Variants in HIVEP2 observed in about 807,000 individuals in gnomAD.
HIVEP2 encodes HIVEP zinc finger 2.
HIVEP2 carries 14 observed loss-of-function variants against 180.7 expected under a neutral mutation model. That is an observed-to-expected ratio of 0.08 (90% CI 0.05 to 0.12). The LOEUF (loss-of-function observed/expected upper bound fraction) is 0.12. Among genes scored for constraint, HIVEP2 ranks in the 10% least tolerant of loss-of-function variants. The probability of loss-of-function intolerance (pLI) is 1.00; values close to 1 mark genes in which losing one functional copy is unlikely to be tolerated. For missense variants in HIVEP2, 2,579 were observed against 3,008.5 expected (o/e 0.86, Z 3.34); for synonymous variants, 1,184 against 1,136.4 (o/e 1.04, Z -0.84).
intron 2 of HIVEP2, among the ~76,000 whole-genome samples, chr6:142,824,479 C>T (rs937370682): frequency 6.6e-6 from 1 of 152,118 alleles, no homozygotes; most frequent in Non-Finnish European, 1.5e-5. Context: ...TCTTTGTGGG[C>T]CTCCATTTGA....
chr6:142,815,832 C>CT (rs1355840248), intron 2 of HIVEP2, among the ~76,000 whole-genome samples: 1 of 152,164 alleles, frequency 6.6e-6, no homozygotes, highest in Non-Finnish European at 1.5e-5. Flanking sequence ...ATTATCTGTA[C>CT]TTTAAGAATA....
chr6:142,853,905 G>A (rs551910626), intron 1 of HIVEP2, among the ~76,000 whole-genome samples: 1 of 152,234 alleles, frequency 6.6e-6, no homozygotes, highest in East Asian at 1.9e-4. Flanking sequence ...AAAAGGGAGT[G>A]TCCTAGAATT....
chr6:142,771,208 A>G lies in HIVEP2; in HGVS notation c.3531T>C (p.Tyr1177=), dbSNP rs772260080. The change falls in exon 5 of 10, where the codon TAT becomes TAC. Residue 1177 remains tyrosine (Y), a synonymous_variant. Transcript: ENST00000367603. The surrounding 1 kb of genome is among the most constrained non-coding windows in gnomAD (Gnocchi z 5.4). ...GTTCAGGTAAGTGCTTGCTTGTCAT[A>G]TAGGATGTTGGTTGGATCAAGGGAT... ...LRNPLIQPTS[Y]MTSKHLPEQP... 9.4e-5 allele frequency: 152 copies of G among 1,614,078 alleles called. No individual in the cohort carries two copies. Among genetic ancestry groups the G allele is most frequent in the Non-Finnish European group, 1.2e-4 (146 of 1,180,036 alleles).
chr6:142,818,294 A>G (rs1228303355), intron 2 of HIVEP2, among the ~76,000 whole-genome samples: 1 of 152,238 alleles, frequency 6.6e-6, no homozygotes, highest in Non-Finnish European at 1.5e-5. Flanking sequence ...TATTGCACTT[A>G]AAGTTTCCTA....
intron 2 of HIVEP2, among the ~76,000 whole-genome samples, chr6:142,836,275 G>T (rs762102139): frequency 6.6e-6 from 1 of 151,974 alleles, no homozygotes; most frequent in Non-Finnish European, 1.5e-5. Context: ...AAATCTGTTT[G>T]ACAGAGCAGG....
intron 2 of HIVEP2, among the ~76,000 whole-genome samples, chr6:142,835,837 A>G (rs1423478020): frequency 6.6e-6 from 1 of 152,210 alleles, no homozygotes; most frequent in East Asian, 1.9e-4. Context: ...AAGGGAGATT[A>G]TTTTAGACAA....
intron 2 of HIVEP2, among the ~76,000 whole-genome samples, chr6:142,808,410 A>G (rs1776606324): frequency 6.8e-6 from 1 of 147,536 alleles, no homozygotes; most frequent in Non-Finnish European, 1.5e-5. Flanking sequence ...GGAGGGATAG[A>G]TGGGTGGACA....
chr6:142,830,294 C>T (rs190033151), intron 2 of HIVEP2, among the ~76,000 whole-genome samples: 3 of 152,206 alleles, frequency 2.0e-5, no homozygotes, highest in Non-Finnish European at 4.4e-5. Context: ...TTTGCGCGTT[C>T]CCTAGATGTT....
At chr6:142,782,040 T>C (rs1455892585) in intron 3 of HIVEP2, among the ~76,000 whole-genome samples, 1 of 152,206 alleles carries the variant, frequency 6.6e-6, no homozygotes, top group Non-Finnish European at 1.5e-5. Flanking sequence ...TCCTAAATAA[T>C]GACGGTATAC....
At chr6:142,937,869 G>A (rs1037856193) in intron 1 of HIVEP2, among the ~76,000 whole-genome samples, 2 of 152,172 alleles carry the variant, frequency 1.3e-5, no homozygotes, top group African/African-American at 2.4e-5. Flanking sequence ...GCTAAGTGAC[G>A]TAATGTGGAG....
chr6:142,817,950 G>A (rs1445771468), intron 2 of HIVEP2, among the ~76,000 whole-genome samples: 2 of 150,902 alleles, frequency 1.3e-5, no homozygotes, highest in Non-Finnish European at 2.9e-5. Context: ...AGGTTGCAGT[G>A]AGCCAAGATC....
chr6:142,818,263 G>A (rs2114818381), intron 2 of HIVEP2, among the ~76,000 whole-genome samples: 1 of 152,208 alleles, frequency 6.6e-6, no homozygotes, highest in South Asian at 2.1e-4. Context: ...CCTTCTTTAG[G>A]TGGAAAAGTG....
chr6:142,835,574 T>C (rs560028931), intron 2 of HIVEP2, among the ~76,000 whole-genome samples: 26 of 152,316 alleles, frequency 1.7e-4, no homozygotes, highest in African/African-American at 6.0e-4. Context: ...CACTTTTAAA[T>C]ATATGTCTTC....
Position 142,753,344 on chromosome 6 carries a change from G to A in HIVEP2, c.7104C>T (p.Ser2368=). 1 of 1,614,150 alleles carries A rather than the reference G, an allele frequency of 6.2e-7. No individual in the cohort carries two copies. The highest frequency in any genetic ancestry group is 1.1e-5 in the South Asian group (1 of 91,080). Residue 2368 remains serine (S), a synonymous_variant, in exon 10 of 10, where the codon AGC becomes AGT. Transcript: ENST00000367603. ...GCTCAGGTCTACTAAAGTGTCTAAT[G>A]CTAACATGTGCACTTCCCAGGGGGT... ...HQNPLGSAHV[S]IRHFSRPEPG...
At position 142,945,030 on chromosome 6, in the gene HIVEP2, G is replaced by T. The variant is rs1239459469; in HGVS notation, c.-641+69C>A. ...TGCGCTCGCTCGGCCGCAGGCCGGC[G>T]GCCCGGGCCTCGCGCCGCCAGCCCG... On this transcript the variant is annotated intron_variant, in intron 1 of 9. Transcript: ENST00000367603. The surrounding 1 kb of genome is among the most constrained non-coding windows in gnomAD (Gnocchi z 5.5). 1 of 146,982 alleles carries T rather than the reference G, an allele frequency of 6.8e-6. No individual in the cohort carries two copies. The highest frequency in any genetic ancestry group is 2.4e-5 in the African/African-American group (1 of 40,916). 9.1% of individuals were successfully genotyped at this position (146,982 alleles called of 1,614,324 possible).
intron 2 of HIVEP2, among the ~76,000 whole-genome samples, chr6:142,828,693 G>A (rs1774985232): frequency 6.6e-6 from 1 of 152,134 alleles, no homozygotes; most frequent in Non-Finnish European, 1.5e-5. Context: ...GCCTCCCAAA[G>A]TGCTGGGATG....
intron 2 of HIVEP2, among the ~76,000 whole-genome samples, chr6:142,800,582 TTA>T (rs1776379368): frequency 6.6e-6 from 1 of 152,180 alleles, no homozygotes; most frequent in Non-Finnish European, 1.5e-5. Context: ...TGAGAATGAT[TTA>T]GTTTTATTGA....
At chr6:142,869,907 C>T (rs144450597) in intron 1 of HIVEP2, among the ~76,000 whole-genome samples, 1 of 152,058 alleles carries the variant, frequency 6.6e-6, no homozygotes, top group East Asian at 1.9e-4. Flanking sequence ...TGTTCATTAC[C>T]TTCCTTCTTA....
intron 1 of HIVEP2, among the ~76,000 whole-genome samples, chr6:142,849,810 C>G (rs57971403): frequency 0.017 from 2,521 of 152,170 alleles, 68 homozygotes; most frequent in African/African-American, 0.058. Context: ...TGAGCCACCA[C>G]GCCTGGCCTA....
Sources: allele counts gnomAD v4.1 joint callset (sites outside exome capture counted in the v4.1 genomes callset), GRCh38; gene constraint gnomAD v4.1.1; non-coding constraint Gnocchi (gnomAD v3.1); transcripts MANE v1.5; gene names NCBI Gene and HGNC (gene_info 2026-07-23, HGNC 2026-07-21).